Variants in DNAH17 observed in about 807,000 individuals in gnomAD.
DNAH17 encodes the protein axonemal beta dynein heavy chain 17.
In DNAH17, 376 loss-of-function variants were observed where a neutral mutation model predicts 485.6. The observed-to-expected ratio is 0.77, with a 90% confidence interval of 0.71 to 0.84. The LOEUF is 0.84. Ranked by LOEUF, DNAH17 falls within the 40% of genes least tolerant of loss-of-function variation. DNAH17 has a pLI of 0.00. For synonymous variants in DNAH17, 3,031 were observed against 2,405.9 expected (o/e 1.26, Z -7.60); for missense variants, 6,370 against 5,839.3 (o/e 1.09, Z -2.96).
At chr17:78,510,811 G>C (rs1195307431) in intron 26 of DNAH17, 1 of 316,720 alleles carries the variant, frequency 3.2e-6, no homozygotes, top group African/African-American at 2.1e-5. Context: ...TTGGAAATAG[G>C]GTCTTTGCAG....
In DNAH17 at chr17:78,487,397, C is replaced by G. The variant is rs531212534; in HGVS notation, c.6819-891G>C. Among the ~76,000 whole-genome samples the G allele has an allele frequency of 4.4e-4, 67 of 152,350 alleles. 1 individual carries two copies. The highest frequency in any genetic ancestry group is 1.6e-3 in the African/African-American group (65 of 41,578). ...GCATCTGCTGAAAGCATCACTAGTG[C>G]CTGGCCCCCTCGAGTGCCAGTGAGC... On this transcript the variant is annotated intron_variant, in intron 44 of 80. Coordinates refer to ENST00000389840, the MANE Select transcript of DNAH17 (RefSeq NM_173628.4).
chr17:78,558,233 C>T lies in DNAH17; in HGVS notation c.2053G>A (p.Val685Ile). 1.2e-6 allele frequency: 2 copies of T among 1,613,734 alleles called. No individual in the cohort carries two copies. The highest frequency in any genetic ancestry group is 1.3e-5 in the African/African-American group (1 of 75,066). ...SKALVAVLRE[V>I]KYLNFQQQKE... is the part of the protein sequence containing the mutation. ...TGTTGCTGGAAATTCAAATACTTGA[C>T]TTCTCTCAGAACTGCCACCAACTAA... Residue 685 changes from valine to isoleucine, a missense_variant, in exon 14 of 81, where the codon GTC (valine) becomes ATC (isoleucine). Physicochemically the swap from Val to Ile is conservative, Grantham distance 29. Transcript: ENST00000389840.
At position 78,546,036 on chromosome 17, in the gene DNAH17, A is replaced by G. The variant is rs140549267; in HGVS notation, c.2392-2039T>C. 9.2e-3 allele frequency among the ~76,000 whole-genome samples: 1,394 copies of G among 151,976 alleles called. 14 individuals are homozygous for G. The highest frequency in any genetic ancestry group is 0.015 in the Non-Finnish European group (1,040 of 67,998). ...GTCACTCAGGCTGGAGGGCAGTGGC[A>G]CAATCTCAGGTCACTGCAGCCTCGA... On this transcript the variant is annotated intron_variant, in intron 16 of 80. Transcript: ENST00000389840.
At position 78,462,891 on chromosome 17, in the gene DNAH17, C is replaced by T. The variant is rs186215757; in HGVS notation, c.9127G>A (p.Glu3043Lys). Residue 3043 changes from glutamate to lysine, a missense_variant, in exon 57 of 81, where the codon GAG (glutamate) becomes AAG (lysine). Physicochemically the swap from Glu to Lys is moderately conservative, Grantham distance 56. Transcript: ENST00000389840. The part of the protein sequence containing the change: ...KKRTELVAKI[E>K]RLENGLMKLQ... The stretch of plus-strand genomic sequence containing the variant: ...TTCATCAGGCCGTTCTCCAGCCTCT[C>T]GATTTTGGCAACAAGTTCCGTTCTC... The T allele has an allele frequency of 1.4e-5, 23 of 1,613,900 alleles. No homozygotes were observed. The highest frequency in any genetic ancestry group is 8.9e-5 in the East Asian group (4 of 44,868).
intron 57 of DNAH17, 143 bp from the exon 58 acceptor site, chr17:78,461,851 G>C (rs529370458): frequency 1.3e-4 from 98 of 730,208 alleles, no homozygotes; most frequent in East Asian, 4.2e-4. Context: ...TCGTTTTGGA[G>C]AGTCTTTTCA....
intron 7 of DNAH17, among the ~76,000 whole-genome samples, chr17:78,570,030 C>T (rs1276475342): frequency 1.3e-5 from 2 of 152,204 alleles, no homozygotes; most frequent in Admixed American, 6.5e-5. Context: ...CCTCTGTCCC[C>T]GTCTTCCCTT....
At chr17:78,575,389 G>C (rs2092419268) in intron 1 of DNAH17, among the ~76,000 whole-genome samples, 1 of 152,218 alleles carries the variant, frequency 6.6e-6, no homozygotes, top group Non-Finnish European at 1.5e-5. Flanking sequence ...GAGAAAGAGA[G>C]AAAAGGAAAT....
intron 20 of DNAH17, among the ~76,000 whole-genome samples, chr17:78,530,762 G>A (rs75652718): frequency 0.011 from 1,610 of 152,308 alleles, 34 homozygotes; most frequent in African/African-American, 0.037. Flanking sequence ...AGGGGTCATG[G>A]CAGCAGGACT....
intron 74 of DNAH17, among the ~76,000 whole-genome samples, chr17:78,435,616 A>G (rs1441948401): frequency 6.6e-6 from 1 of 152,212 alleles, no homozygotes; most frequent in Non-Finnish European, 1.5e-5. Flanking sequence ...ACTTTGCAAA[A>G]TACAATAAAA....
chr17:78,447,914 G>C (rs915418402), intron 69 of DNAH17, among the ~76,000 whole-genome samples: 1 of 151,368 alleles, frequency 6.6e-6, no homozygotes, highest in Admixed American at 6.6e-5. Flanking sequence ...GCTCATGCCT[G>C]TAATCCCAGC....
rs1263618037 is a variant in DNAH17 at position 78,532,623 on chromosome 17, G to A, written c.2973C>T (p.Ser991=). 1.9e-6 allele frequency: 3 copies of A among 1,604,238 alleles called. No individual in the cohort carries two copies. The highest frequency in any genetic ancestry group is 1.7e-6 in the Non-Finnish European group (2 of 1,175,050). ...EEYQDSFERY[S]YLWTDNLQEF... is the part of the protein sequence containing the mutation. ...CCTGCAGGTTGTCCGTCCAGAGGTA[G>A]GAGTACCTCTCAAAGGAATCCTGGT... Residue 991 remains serine (S), a synonymous_variant, in exon 20 of 81, where the codon TCC becomes TCT. Coordinates refer to ENST00000389840, the MANE Select transcript of DNAH17 (RefSeq NM_173628.4).
In DNAH17 at chr17:78,507,276, A is replaced by T; in HGVS notation, c.4676+2T>A. ...CCTGGTCTGGATAGGTGTGAGCCGC[A>T]CCTCTTCTTCAGGGCCTCCAGTTTA... On this transcript the variant is annotated splice_donor_variant, in intron 29 of 80. Coordinates refer to ENST00000389840, the MANE Select transcript of DNAH17 (RefSeq NM_173628.4). LOFTEE classifies it high-confidence loss of function. The T allele has an allele frequency of 6.2e-7, 1 of 1,613,582 alleles. No individual in the cohort carries two copies. Among genetic ancestry groups the T allele is most frequent in the Non-Finnish European group, 8.5e-7 (1 of 1,179,806 alleles).
rs866325510 is a variant in DNAH17 at position 78,519,941 on chromosome 17, C to T, written c.3865-4919G>A. On this transcript the variant is annotated intron_variant, in intron 25 of 80. Transcript: ENST00000389840. ...CCTGACCAACATAGTGAAACCCTGTCTCTATTAAAAATACAAAAAATTAGC... is the reference window on the plus strand; with the variant it reads ...CCTGACCAACATAGTGAAACCCTGTTTCTATTAAAAATACAAAAAATTAGC... 3.9e-5 allele frequency among the ~76,000 whole-genome samples: 6 copies of T among 152,200 alleles called. No individual in the cohort carries two copies. The Middle Eastern group carries it at 0.01, about 259-fold the overall frequency.
rs770098616 is a variant in DNAH17, at chr17:78,468,807, A to G, written c.8588T>C (p.Val2863Ala). The G allele has an allele frequency of 1.2e-6, 2 of 1,614,006 alleles. No homozygotes were observed. The highest frequency in any genetic ancestry group is 3.3e-5 in the Admixed American group (2 of 60,014). Residue 2863 changes from valine (V) to alanine (A), a missense_variant, in exon 55 of 81, where the codon GTG (valine) becomes GCG (alanine). Val to Ala is a moderately conservative substitution (Grantham distance 64). Coordinates refer to ENST00000389840, the MANE Select transcript of DNAH17 (RefSeq NM_173628.4). ...PSVFLMTDSQ[V>A]AEEQFLVLIN... is the part of the protein sequence containing the mutation. ...CAGCACCAGAAACTGCTCCTCGGCC[A>G]CCTGGGAGTCTGTCATCAGGAACAC...
intron 19 of DNAH17, among the ~76,000 whole-genome samples, chr17:78,533,697 C>A (rs2091300183): frequency 6.6e-6 from 1 of 152,070 alleles, no homozygotes. Flanking sequence ...CATCTTATTT[C>A]TTTTTGAGAC....
intron 32 of DNAH17, 35 bp from the exon 33 acceptor site, chr17:78,502,733 AG>A: frequency 6.2e-7 from 1 of 1,601,562 alleles, no homozygotes; most frequent in South Asian, 1.1e-5. Flanking sequence ...CCACGCAGTG[AG>A]CGATCGCTGG....
chr17:78,425,150 T>G (rs935370588), intron 80 of DNAH17, 196 bp downstream of exon 80: 2 of 586,802 alleles, frequency 3.4e-6, no homozygotes, highest in Admixed American at 6.1e-5. Context: ...ACCCTGCACA[T>G]TCCCTGAATC....
At chr17:78,550,152 C>T (rs1207822236) in intron 16 of DNAH17, among the ~76,000 whole-genome samples, 3 of 152,210 alleles carry the variant, frequency 2.0e-5, no homozygotes, top group African/African-American at 7.2e-5. Flanking sequence ...CGACGTCATG[C>T]CCACTAGCTG....
At chr17:78,475,497 A>G in intron 53 of DNAH17, 28 bp from the exon 54 acceptor site, 1 of 1,612,554 alleles carries the variant, frequency 6.2e-7, no homozygotes, top group Non-Finnish European at 8.5e-7. Context: ...ATCCCACAAC[A>G]TCTTGTAGCA....
Sources: allele counts gnomAD v4.1 joint callset (sites outside exome capture counted in the v4.1 genomes callset), GRCh38; gene constraint gnomAD v4.1.1; transcripts MANE v1.5; gene names NCBI Gene and HGNC (gene_info 2026-07-23, HGNC 2026-07-21).